NXNL2: variants seen among roughly 807,000 people sequenced by gnomAD.
The protein encoded by NXNL2 is nucleoredoxin like 2.
In NXNL2, 7 loss-of-function variants were observed where a neutral mutation model predicts 11.1. That is an observed-to-expected ratio of 0.63 (90% CI 0.36 to 1.18). The LOEUF (loss-of-function observed/expected upper bound fraction) is 1.18. Ranked by LOEUF, NXNL2 falls within the 50% of genes most tolerant of loss-of-function variation. The pLI is 0.02. For synonymous variants in NXNL2, 109 were observed against 101.8 expected, an observed-to-expected ratio of 1.07 and a Z score of -0.42; for missense variants, 233 against 217.7, an observed-to-expected ratio of 1.07 and a Z score of -0.44.
At chr9:88,546,414 CT>C (rs956682156), downstream of NXNL2, among the ~76,000 whole-genome samples, 10,250 of 110,132 alleles carry the variant, frequency 0.093, 942 homozygotes, top group East Asian at 0.65. Flanking sequence ...AAGACACATT[CT>C]TTTTTTTTTT....
chr9:88,579,760 G>A (rs574426006), downstream of NXNL2, among the ~76,000 whole-genome samples: 1 of 152,286 alleles, frequency 6.6e-6, no homozygotes, highest in East Asian at 1.9e-4. Context: ...GGGTGAGTGG[G>A]TTATGCAGGG....
chr9:88,574,431 A>G (rs1304443962), intron 2 of NXNL2, among the ~76,000 whole-genome samples: 7 of 152,222 alleles, frequency 4.6e-5, no homozygotes, highest in African/African-American at 1.7e-4. Flanking sequence ...TGAGACATCA[A>G]TCAATATATG....
chr9:88,544,630 T>G lies in NXNL2; in HGVS notation c.*83T>G. 6.9e-7 allele frequency: 1 copy of G among 1,446,386 alleles called. No homozygotes were observed. The highest frequency in any genetic ancestry group is 2.6e-5 in the East Asian group (1 of 39,058). The allele number at this position is 1,446,386 out of a possible 1,614,324, so 89.6% of individuals were successfully genotyped here. ...GGCAAAGAGGAGCATGTTGGGTTCC[T>G]TCCTCTGTTGGTGTGATTTCATTGT... is the stretch of plus-strand genomic sequence containing the variant. On this transcript the variant is annotated 3_prime_UTR_variant, in exon 2 of 2. Transcript: ENST00000375854.
chr9:88,542,728 A>T (rs978338632), intron 1 of NXNL2, among the ~76,000 whole-genome samples: 3 of 152,170 alleles, frequency 2.0e-5, no homozygotes, highest in African/African-American at 4.8e-5. Flanking sequence ...TGCTTCATAG[A>T]TGTTTGGAAA....
At chr9:88,540,967 C>T (rs1292148813) in intron 1 of NXNL2, among the ~76,000 whole-genome samples, 4 of 97,428 alleles carry the variant, frequency 4.1e-5, no homozygotes, top group African/African-American at 2.0e-4. Flanking sequence ...TTTTTTGGAG[C>T]TAGGGTCTTG....
chr9:88,572,026 C>A (rs79539638), intron 2 of NXNL2, among the ~76,000 whole-genome samples: 4,082 of 152,208 alleles, frequency 0.027, 194 homozygotes, highest in African/African-American at 0.093. Flanking sequence ...ATAGGTGTCC[C>A]AAGGCTGAGG....
chr9:88,558,733 G>C (rs190237139), intron 1 of NXNL2, among the ~76,000 whole-genome samples: 9 of 152,284 alleles, frequency 5.9e-5, no homozygotes, highest in Non-Finnish European at 1.3e-4. Context: ...CTCCCAGCTG[G>C]TGTCCACTGG....
intron 1 of NXNL2, among the ~76,000 whole-genome samples, chr9:88,553,357 A>AAACAACAAC (rs138383279): frequency 2.0e-5 from 3 of 151,922 alleles, no homozygotes; most frequent in African/African-American, 7.3e-5. Flanking sequence ...AAAAAAGCCC[A>AAACAACAAC]AACAACAACA....
intron 1 of NXNL2, among the ~76,000 whole-genome samples, chr9:88,563,660 C>T (rs1830120083): frequency 6.6e-6 from 1 of 152,126 alleles, no homozygotes; most frequent in Non-Finnish European, 1.5e-5. Flanking sequence ...AGACTAAAGT[C>T]CAGTCCTCTC....
At chr9:88,577,619 G>A (rs1587858400), downstream of NXNL2, among the ~76,000 whole-genome samples, 1 of 37,564 alleles carries the variant, frequency 2.7e-5, no homozygotes, top group South Asian at 1.4e-3. Flanking sequence ...TATGTGGAGA[G>A]AGAAAGAGAG....
At chr9:88,553,308 T>C (rs1396988876) in intron 1 of NXNL2, among the ~76,000 whole-genome samples, 1 of 152,090 alleles carries the variant, frequency 6.6e-6, no homozygotes, top group Admixed American at 6.6e-5. Flanking sequence ...ATTGTGCCAT[T>C]GCACTCCAGC....
chr9:88,582,202 G>A (rs1189416648), intron 1 of NXNL2, among the ~76,000 whole-genome samples: 3 of 152,190 alleles, frequency 2.0e-5, no homozygotes, highest in Non-Finnish European at 2.9e-5. Context: ...TCTAGACCTG[G>A]GTGCAGTGGC....
chr9:88,572,402 G>A (rs1830284559), intron 2 of NXNL2, among the ~76,000 whole-genome samples: 1 of 152,138 alleles, frequency 6.6e-6, no homozygotes, highest in Admixed American at 6.5e-5. Context: ...TGGGCCATGG[G>A]GGAGTATTCA....
chr9:88,542,680 C>T (rs1057467492), intron 1 of NXNL2, among the ~76,000 whole-genome samples: 1 of 152,172 alleles, frequency 6.6e-6, no homozygotes, highest in African/African-American at 2.4e-5. Flanking sequence ...TTCATTAATA[C>T]TTCCTTTGTG....
downstream of NXNL2, among the ~76,000 whole-genome samples, chr9:88,545,494 A>C (rs1419051469): frequency 6.6e-6 from 1 of 152,196 alleles, no homozygotes; most frequent in Non-Finnish European, 1.5e-5. Context: ...AGGACCAGCA[A>C]TAGTAGAGTA....
rs548273472 is a variant in NXNL2, at chr9:88,570,060, A to G, written c.303-1027A>G. On this transcript the variant is annotated intron_variant, in intron 1 of 2. Transcript: ENST00000375855. The stretch of plus-strand genomic sequence containing the variant: ...TTTGCAGTGTACTCGGTGGTTTTTC[A>G]TAGGGTGTCACTCTTGGTTTTGCTT... Among the ~76,000 whole-genome samples, 5 of 149,868 alleles carry G rather than the reference A, an allele frequency of 3.3e-5. No individual in the cohort carries two copies. In the South Asian group the frequency reaches 1.1e-3, roughly 33 times the overall value.
chr9:88,565,270 T>C (rs2118511101), intron 1 of NXNL2, among the ~76,000 whole-genome samples: 1 of 152,318 alleles, frequency 6.6e-6, no homozygotes, highest in Admixed American at 6.5e-5. Context: ...TCGATGGACA[T>C]GATGGTTATG....
downstream of NXNL2, among the ~76,000 whole-genome samples, chr9:88,580,150 A>AG (rs1564079245): frequency 6.9e-6 from 1 of 145,950 alleles, no homozygotes; most frequent in East Asian, 2.7e-4. Context: ...AAAAAAAAAA[A>AG]TTCTTTTTTT....
chr9:88,553,926 T>G (rs1051321395), intron 1 of NXNL2, among the ~76,000 whole-genome samples: 1 of 152,236 alleles, frequency 6.6e-6, no homozygotes, highest in Non-Finnish European at 1.5e-5. Context: ...TGTGTTGTCA[T>G]GATTTTGTTA....
Sources: allele counts gnomAD v4.1 joint callset (sites outside exome capture counted in the v4.1 genomes callset), GRCh38; gene constraint gnomAD v4.1.1; transcripts MANE v1.5; gene names NCBI Gene and HGNC (gene_info 2026-07-23, HGNC 2026-07-21).